RGS5: variants seen among roughly 807,000 people sequenced by gnomAD.
RGS5 encodes the protein regulator of G-protein signalling 5.
Under a neutral mutation model 18.9 loss-of-function variants are expected in RGS5, and 20 were observed. The observed-to-expected ratio is 1.06, with a 90% CI of 0.74 to 1.54. The LOEUF (loss-of-function observed/expected upper bound fraction) is 1.54, where lower values mean the gene tolerates loss of function less well. Ranked by LOEUF, RGS5 falls within the 40% of genes most tolerant of loss-of-function variation. The pLI, the probability that RGS5 is intolerant of heterozygous loss-of-function variation, is 0.00. For synonymous variants in RGS5, 57 were observed against 76.2 expected (o/e 0.75, Z 1.31); for missense variants, 201 against 211.8 (o/e 0.95, Z 0.32).
intron 2 of RGS5, among the ~76,000 whole-genome samples, chr1:163,270,854 T>C (rs1023768098): frequency 2.0e-5 from 3 of 152,150 alleles, no homozygotes; most frequent in African/African-American, 7.2e-5. Context: ...AGAAAAATAA[T>C]CACTCTACAG....
At chr1:163,174,059 G>C (rs746227893) in intron 1 of RGS5, among the ~76,000 whole-genome samples, 35 of 152,220 alleles carry the variant, frequency 2.3e-4, no homozygotes, top group Non-Finnish European at 4.0e-4. Context: ...CTGGACAACA[G>C]AGCAAGACTC....
chr1:163,287,542 C>T (rs780554384), intron 2 of RGS5, among the ~76,000 whole-genome samples: 8 of 152,218 alleles, frequency 5.3e-5, no homozygotes, highest in Non-Finnish European at 1.0e-4. Flanking sequence ...ACTTGTTTGG[C>T]CCATGCCATT....
chr1:163,254,221 G>A (rs1464194592), intron 2 of RGS5, among the ~76,000 whole-genome samples: 10 of 147,908 alleles, frequency 6.8e-5, no homozygotes, highest in African/African-American at 1.5e-4. Context: ...CTGAGGAATC[G>A]CCACACTGAC....
intron 1 of RGS5, among the ~76,000 whole-genome samples, chr1:163,316,461 A>C (rs1650024566): frequency 6.6e-6 from 1 of 152,212 alleles, no homozygotes. Context: ...TGATGGCATC[A>C]ATAATACAAC....
At chr1:163,184,904 T>C (rs72693997) in intron 1 of RGS5, among the ~76,000 whole-genome samples, 4 of 152,348 alleles carry the variant, frequency 2.6e-5, no homozygotes, top group Non-Finnish European at 5.9e-5. Context: ...GTGACTAAGC[T>C]TGTGGCAACT....
intron 1 of RGS5, among the ~76,000 whole-genome samples, chr1:163,197,386 T>C (rs1441328199): frequency 6.6e-6 from 1 of 152,146 alleles, no homozygotes; most frequent in Admixed American, 6.6e-5. Context: ...TGTAAATTCT[T>C]CCCTGCCCAC....
At chr1:163,321,022 TC>T (rs1650188511) in intron 1 of RGS5, among the ~76,000 whole-genome samples, 2 of 152,188 alleles carry the variant, frequency 1.3e-5, no homozygotes, top group African/African-American at 2.4e-5. Flanking sequence ...AATGGCTTTC[TC>T]CCCTGACAAC....
At chr1:163,236,402 T>G (rs903176248) in intron 2 of RGS5, among the ~76,000 whole-genome samples, 1 of 152,082 alleles carries the variant, frequency 6.6e-6, no homozygotes, top group African/African-American at 2.4e-5. Flanking sequence ...GTTTCTTCCT[T>G]AATATATACT....
At chr1:163,266,070 G>C (rs923520773) in intron 2 of RGS5, among the ~76,000 whole-genome samples, 16 of 152,090 alleles carry the variant, frequency 1.1e-4, no homozygotes, top group Non-Finnish European at 4.4e-5. Context: ...ATCCAGGCCA[G>C]CAACAGTTCA....
At chr1:163,185,364 C>T (rs6678820) in intron 1 of RGS5, among the ~76,000 whole-genome samples, 18,022 of 152,132 alleles carry the variant, frequency 0.12, 1,070 homozygotes, top group South Asian at 0.21. Flanking sequence ...AAGATCAGGG[C>T]TTTTGACTTG....
intron 1 of RGS5, among the ~76,000 whole-genome samples, chr1:163,216,137 C>G (rs1047329347): frequency 7.9e-5 from 12 of 151,822 alleles, no homozygotes; most frequent in Admixed American, 3.9e-4. Flanking sequence ...TTTTTTTCAC[C>G]AGGACTTCTT....
At chr1:163,278,014 A>G (rs558677545) in intron 2 of RGS5, among the ~76,000 whole-genome samples, 1 of 152,058 alleles carries the variant, frequency 6.6e-6, no homozygotes, top group South Asian at 2.1e-4. Flanking sequence ...TACATTCTGA[A>G]ATTTTAAACA....
chr1:163,252,860 T>G (rs1648147209), intron 2 of RGS5, among the ~76,000 whole-genome samples: 1 of 152,184 alleles, frequency 6.6e-6, no homozygotes, highest in Non-Finnish European at 1.5e-5. Flanking sequence ...TACCATTAAT[T>G]GTTTGTGTAA....
At chr1:163,152,338 A>T in intron 4 of RGS5, 1 of 440,478 alleles carries the variant, frequency 2.3e-6, no homozygotes, top group Admixed American at 3.3e-5. Flanking sequence ...TGGAGGTGAG[A>T]CCCATAAAAC....
rs533740360 is a variant in RGS5 at position 163,217,574 on chromosome 1, T to C, written c.21A>G (p.Ser7=). 38 of 1,547,256 alleles carry C rather than the reference T, an allele frequency of 2.5e-5. No homozygotes were observed. The East Asian group carries it at 8.8e-4, about 36-fold the overall frequency. The change falls in exon 1 of 6, where the codon TCA becomes TCG. Residue 7 remains serine (S), a synonymous_variant. Coordinates refer to the RGS5 transcript ENST00000367903. Reference sequence around the variant, plus strand: ...GCATCTGTAAGATGAGAATATCCTGTGAAATGTTTCTTGCGCACATTTTTC... The same window carrying C: ...GCATCTGTAAGATGAGAATATCCTGCGAAATGTTTCTTGCGCACATTTTTC...
At chr1:163,250,779 G>GT (rs1284824672) in intron 2 of RGS5, among the ~76,000 whole-genome samples, 2 of 152,162 alleles carry the variant, frequency 1.3e-5, no homozygotes, top group Non-Finnish European at 2.9e-5. Flanking sequence ...GGTAGAGAGG[G>GT]TAAGAATAAA....
intron 2 of RGS5, among the ~76,000 whole-genome samples, chr1:163,289,990 G>A (rs981443643): frequency 1.3e-5 from 2 of 152,154 alleles, no homozygotes; most frequent in Non-Finnish European, 2.9e-5. Flanking sequence ...CAACATGGAG[G>A]TTCCCTCTTC....
chr1:163,290,257 T>C (rs61812185), intron 2 of RGS5, among the ~76,000 whole-genome samples: 16,926 of 152,180 alleles, frequency 0.11, 1,260 homozygotes, highest in South Asian at 0.21. Context: ...AGAGCTTTTC[T>C]CTTTTCTTTC....
At chr1:163,273,375 T>A (rs1648772046) in intron 2 of RGS5, among the ~76,000 whole-genome samples, 1 of 152,184 alleles carries the variant, frequency 6.6e-6, no homozygotes, top group Non-Finnish European at 1.5e-5. Flanking sequence ...TTTCAATTCT[T>A]AGTTTTTTTG....
Sources: allele counts gnomAD v4.1 joint callset (sites outside exome capture counted in the v4.1 genomes callset), GRCh38; gene constraint gnomAD v4.1.1; transcripts MANE v1.5; gene names NCBI Gene and HGNC (gene_info 2026-07-23, HGNC 2026-07-21).